The following GALNT13 variants were observed in gnomAD, a reference collection of about 807,000 sequenced individuals.
GALNT13 encodes the protein UDP-GalNAc:polypeptide N-acetylgalactosaminyltransferase 13.
Under a neutral mutation model 64.2 loss-of-function variants are expected in GALNT13, and 28 were observed. The ratio of observed to expected loss-of-function variants is 0.44; its 90% CI spans 0.32 to 0.60. GALNT13 has a LOEUF of 0.60. Among genes scored for constraint, GALNT13 ranks in the 20% least tolerant of loss-of-function variants. The probability of loss-of-function intolerance (pLI) is 0.05; values close to 1 mark genes in which losing one functional copy is unlikely to be tolerated. For synonymous variants in GALNT13, 214 were observed against 224.6 expected (o/e 0.95, Z 0.42); for missense variants, 577 against 669.8 (o/e 0.86, Z 1.53).
chr2:153,532,326 T>A, the GALNT13 span, among the ~76,000 whole-genome samples: 1 of 152,114 alleles, frequency 6.6e-6, no homozygotes, highest in Non-Finnish European at 1.5e-5. Flanking sequence ...CTAGCCTTTT[T>A]GAGCCACGGC....
In GALNT13 at chr2:154,346,399, C is replaced by G. The variant is rs536920800; in HGVS notation, c.1156+44810C>G. Reference sequence around the variant, plus strand: ...GATACAGTTTGGCTGTGTCCCTACCCAAGTCTCATCTTGAATTGTGGCTCC... The same window carrying G: ...GATACAGTTTGGCTGTGTCCCTACCGAAGTCTCATCTTGAATTGTGGCTCC... On this transcript the variant is annotated intron_variant, in intron 9 of 12. Transcript: ENST00000392825. Among the ~76,000 whole-genome samples the G allele has an allele frequency of 3.9e-5, 6 of 152,156 alleles. No individual in the cohort carries two copies. In the East Asian group the frequency reaches 1.2e-3, roughly 29 times the overall value.
At chr2:154,165,230 T>C (rs1353489189) in intron 4 of GALNT13, among the ~76,000 whole-genome samples, 1 of 152,150 alleles carries the variant, frequency 6.6e-6, no homozygotes, top group Non-Finnish European at 1.5e-5. Context: ...AGAAGACTGA[T>C]ATTTTTCCTT....
At chr2:154,342,593 T>G (rs1158628580) in intron 9 of GALNT13, among the ~76,000 whole-genome samples, 1 of 152,032 alleles carries the variant, frequency 6.6e-6, no homozygotes, top group African/African-American at 2.4e-5. Context: ...GATTTCAGTG[T>G]TCATAAAAAA....
At chr2:154,293,476 A>C (rs564264225) in intron 8 of GALNT13, among the ~76,000 whole-genome samples, 9 of 152,318 alleles carry the variant, frequency 5.9e-5, no homozygotes, top group African/African-American at 2.2e-4. Flanking sequence ...ATGGCAATAA[A>C]AGTTAAATAA....
intron 2 of GALNT13, among the ~76,000 whole-genome samples, chr2:153,938,171 G>A (rs571381811): frequency 5.9e-5 from 9 of 152,254 alleles, no homozygotes; most frequent in East Asian, 3.9e-4. Context: ...TGAGGGTAGA[G>A]GGTATTGCAT....
intron 3 of GALNT13, among the ~76,000 whole-genome samples, chr2:154,013,812 C>T (rs1410852355): frequency 6.6e-6 from 1 of 152,078 alleles, no homozygotes; most frequent in Non-Finnish European, 1.5e-5. Context: ...TTGGCGAGGT[C>T]GGTCGGCCCT....
chr2:154,076,505 T>C (rs1453931502), intron 3 of GALNT13, among the ~76,000 whole-genome samples: 1 of 151,718 alleles, frequency 6.6e-6, no homozygotes, highest in Admixed American at 6.6e-5. Flanking sequence ...ATGGTGCAGC[T>C]GGGATGCAAG....
chr2:153,699,184 T>C, the GALNT13 span, among the ~76,000 whole-genome samples: 1 of 151,764 alleles, frequency 6.6e-6, no homozygotes, highest in Admixed American at 6.6e-5. Flanking sequence ...AAACAAGAAA[T>C]TCACTCAAAA....
intron 1 of GALNT13, among the ~76,000 whole-genome samples, chr2:153,876,808 T>G (rs759227539): frequency 3.9e-5 from 6 of 152,190 alleles, no homozygotes; most frequent in Middle Eastern, 3.2e-3. Flanking sequence ...ATGAAATTCT[T>G]AATTTTTAAA....
intron 3 of GALNT13, among the ~76,000 whole-genome samples, chr2:154,124,894 T>A (rs894840834): frequency 5.3e-5 from 8 of 152,116 alleles, no homozygotes; most frequent in Admixed American, 6.5e-5. Flanking sequence ...ATAATGAAAG[T>A]AACTACATCA....
chr2:153,152,584 G>C, the GALNT13 span, among the ~76,000 whole-genome samples: 1 of 151,920 alleles, frequency 6.6e-6, no homozygotes, highest in South Asian at 2.1e-4. Flanking sequence ...CCCTCCAAAA[G>C]GTCCTAGTGT....
At chr2:153,549,615 C>T in the GALNT13 span, among the ~76,000 whole-genome samples, 1 of 152,110 alleles carries the variant, frequency 6.6e-6, no homozygotes. Context: ...GTCTCAGCTT[C>T]CCTAACCCTC....
At chr2:153,347,929 AG>A in the GALNT13 span, among the ~76,000 whole-genome samples, 1 of 152,314 alleles carries the variant, frequency 6.6e-6, no homozygotes, top group East Asian at 1.9e-4. Context: ...GCTTTAAAAA[AG>A]GTTTCCTTTT....
the GALNT13 span, among the ~76,000 whole-genome samples, chr2:153,383,243 A>T: frequency 2.6e-5 from 4 of 152,192 alleles, no homozygotes; most frequent in East Asian, 7.7e-4. Context: ...GAAAATTTGA[A>T]CATCTCCTAA....
At chr2:154,249,919 A>G (rs1318996949) in intron 7 of GALNT13, among the ~76,000 whole-genome samples, 1 of 152,138 alleles carries the variant, frequency 6.6e-6, no homozygotes, top group Non-Finnish European at 1.5e-5. Context: ...AAATAACATC[A>G]TTAGTATCTC....
chr2:154,403,843 T>G (rs1218722877), intron 10 of GALNT13, among the ~76,000 whole-genome samples: 1 of 152,194 alleles, frequency 6.6e-6, no homozygotes, highest in Non-Finnish European at 1.5e-5. Flanking sequence ...ACTGCCTCCC[T>G]GTCTGGAAGT....
intron 4 of GALNT13, among the ~76,000 whole-genome samples, chr2:154,183,469 T>C (rs575291039): frequency 5.3e-5 from 8 of 152,278 alleles, no homozygotes; most frequent in African/African-American, 9.6e-5. Flanking sequence ...CCCAGCACTT[T>C]GGGAGGCTGA....
At chr2:153,998,046 A>G (rs1451830535) in intron 3 of GALNT13, among the ~76,000 whole-genome samples, 1 of 152,096 alleles carries the variant, frequency 6.6e-6, no homozygotes, top group Non-Finnish European at 1.5e-5. Context: ...TCTATCATTG[A>G]TGGGCATTTG....
chr2:153,121,106 C>G, the GALNT13 span, among the ~76,000 whole-genome samples: 3 of 152,172 alleles, frequency 2.0e-5, no homozygotes, highest in Admixed American at 6.5e-5. Flanking sequence ...TGATGGCATT[C>G]TTGGATTCAA....
Sources: gnomAD v4.1 joint callset for allele counts (sites outside exome capture counted in the v4.1 genomes callset) on GRCh38, gnomAD v4.1.1 for gene constraint, MANE v1.5 for transcripts, NCBI Gene and HGNC (gene_info 2026-07-23, HGNC 2026-07-21) for gene names.